Variants in MNAT1 observed in about 807,000 individuals in gnomAD.
MNAT1 encodes MNAT1 component of CDK activating kinase.
In MNAT1, 43 loss-of-function variants were observed where a neutral mutation model predicts 42.0. That is an observed-to-expected ratio of 1.02 (90% confidence interval 0.80 to 1.32). The LOEUF (loss-of-function observed/expected upper bound fraction) is 1.32. Among genes scored for constraint, MNAT1 ranks in the 40% most tolerant of loss-of-function variants. The probability of loss-of-function intolerance (pLI) is 0.00; values close to 1 mark genes in which losing one functional copy is unlikely to be tolerated. For synonymous variants in MNAT1, 118 were observed against 120.0 expected (o/e 0.98, Z 0.11); for missense variants, 306 against 350.4 (o/e 0.87, Z 1.01).
intron 1 of MNAT1, among the ~76,000 whole-genome samples, chr14:60,779,779 C>T (rs946381755): frequency 6.0e-5 from 9 of 150,628 alleles, no homozygotes; most frequent in African/African-American, 9.8e-5. Context: ...AGTGAGACTC[C>T]GTCTCAAAGA....
chr14:60,750,351 C>T (rs1396421216), intron 1 of MNAT1, among the ~76,000 whole-genome samples: 2 of 151,630 alleles, frequency 1.3e-5, no homozygotes, highest in African/African-American at 2.4e-5. Context: ...CTCAGCCTCC[C>T]GAGTAGCTGG....
chr14:60,899,003 T>C (rs1751222581), intron 7 of MNAT1, among the ~76,000 whole-genome samples: 1 of 152,182 alleles, frequency 6.6e-6, no homozygotes, highest in Non-Finnish European at 1.5e-5. Flanking sequence ...GCACCACTTA[T>C]TAAAGAAGGA....
chr14:60,827,844 C>T (rs1039125569), intron 6 of MNAT1, among the ~76,000 whole-genome samples: 1 of 152,060 alleles, frequency 6.6e-6, no homozygotes, highest in African/African-American at 2.4e-5. Flanking sequence ...ATTACTTTCT[C>T]TTAGCTTTTA....
chr14:60,897,364 A>G (rs984836136), intron 7 of MNAT1, among the ~76,000 whole-genome samples: 3 of 152,108 alleles, frequency 2.0e-5, no homozygotes, highest in African/African-American at 7.2e-5. Flanking sequence ...ATTTATATAT[A>G]TCTTTAAATT....
rs1163408491 is a variant in MNAT1, at chr14:60,969,360, G to C, written c.*1011G>C. On this transcript the variant is annotated 3_prime_UTR_variant, in exon 8 of 8. Coordinates refer to ENST00000261245, the MANE Select transcript of MNAT1 (RefSeq NM_002431.4). ...CAAATCTCTATTACAACAGATGTTA[G>C]TTTTATGGGTAGAAACTTAGGTGAA... 2.0e-5 allele frequency: 3 copies of C among 152,150 alleles called. No homozygotes were observed. The highest frequency in any genetic ancestry group is 7.2e-5 in the African/African-American group (3 of 41,448). 9.4% of individuals were successfully genotyped at this position (152,150 alleles called of 1,614,324 possible). A position where few individuals can be genotyped will look rare whatever the true frequency, so the allele number is the denominator to read the frequency against.
intron 1 of MNAT1, among the ~76,000 whole-genome samples, chr14:60,736,085 C>T (rs1482645572): frequency 6.6e-6 from 1 of 152,038 alleles, no homozygotes; most frequent in African/African-American, 2.4e-5. Flanking sequence ...CTTTATTTTC[C>T]TTTGCTTTAC....
At chr14:60,913,149 G>A (rs1344871386) in intron 7 of MNAT1, among the ~76,000 whole-genome samples, 1 of 152,176 alleles carries the variant, frequency 6.6e-6, no homozygotes, top group African/African-American at 2.4e-5. Flanking sequence ...TCATCACGTA[G>A]TTCTTTTGCC....
intron 1 of MNAT1, among the ~76,000 whole-genome samples, chr14:60,794,225 A>G (rs2031926355): frequency 6.6e-6 from 1 of 152,092 alleles, no homozygotes; most frequent in Non-Finnish European, 1.5e-5. Context: ...GATGGGTTTA[A>G]TTTCCTCTAA....
chr14:60,784,729 C>T (rs184931816), intron 1 of MNAT1, among the ~76,000 whole-genome samples: 1 of 152,226 alleles, frequency 6.6e-6, no homozygotes, highest in Admixed American at 6.5e-5. Flanking sequence ...TCCCAAAGTG[C>T]TGGGATTACA....
intron 7 of MNAT1, among the ~76,000 whole-genome samples, chr14:60,967,916 A>C (rs1427942253): frequency 1.3e-5 from 2 of 152,244 alleles, no homozygotes; most frequent in African/African-American, 4.8e-5. Flanking sequence ...TGTCCAAAAA[A>C]CAGCCAACAA....
chr14:60,798,301 A>G (rs1238246203), intron 3 of MNAT1, 141 bp downstream of exon 3: 1 of 506,402 alleles, frequency 2.0e-6, no homozygotes, highest in African/African-American at 1.9e-5. Flanking sequence ...TTTCTTTTGC[A>G]CTTGAGTCAT....
chr14:60,795,950 C>T (rs1386554200), intron 1 of MNAT1, among the ~76,000 whole-genome samples: 3 of 152,184 alleles, frequency 2.0e-5, no homozygotes, highest in African/African-American at 4.8e-5. Flanking sequence ...CTATCCTGCT[C>T]TTCTTCCTAG....
At chr14:60,925,668 TA>T (rs2139560569) in intron 7 of MNAT1, among the ~76,000 whole-genome samples, 1 of 152,316 alleles carries the variant, frequency 6.6e-6, no homozygotes, top group Admixed American at 6.5e-5. Context: ...AACCTATATT[TA>T]CTGTATCATC....
intron 7 of MNAT1, among the ~76,000 whole-genome samples, chr14:60,917,294 A>G (rs1284841989): frequency 9.1e-5 from 2 of 21,982 alleles, no homozygotes; most frequent in Non-Finnish European, 5.5e-4. Flanking sequence ...TCTAACCCTC[A>G]TTTTACCAGG....
At chr14:60,774,482 G>A (rs770589786) in intron 1 of MNAT1, among the ~76,000 whole-genome samples, 1 of 152,098 alleles carries the variant, frequency 6.6e-6, no homozygotes, top group Admixed American at 6.6e-5. Context: ...GACACCATTG[G>A]GTCATGAACA....
chr14:60,907,018 G>A (rs900710437), intron 7 of MNAT1, among the ~76,000 whole-genome samples: 1 of 152,052 alleles, frequency 6.6e-6, no homozygotes, highest in African/African-American at 2.4e-5. Context: ...TCACTCAAGA[G>A]TAAATTTATA....
At chr14:60,746,693 A>G (rs886202902) in intron 1 of MNAT1, among the ~76,000 whole-genome samples, 5 of 149,950 alleles carry the variant, frequency 3.3e-5, no homozygotes, top group African/African-American at 7.3e-5. Flanking sequence ...GCTCTAACAT[A>G]TATTTTTTGC....
intron 7 of MNAT1, among the ~76,000 whole-genome samples, chr14:60,882,528 G>C (rs761779007): frequency 6.6e-6 from 1 of 152,162 alleles, no homozygotes; most frequent in Non-Finnish European, 1.5e-5. Context: ...ATTGTGAACA[G>C]TCCTGTAACA....
At chr14:60,747,273 T>C (rs1032155000) in intron 1 of MNAT1, among the ~76,000 whole-genome samples, 27 of 151,990 alleles carry the variant, frequency 1.8e-4, no homozygotes, top group Non-Finnish European at 3.1e-4. Context: ...CGTGAGCCAA[T>C]GCGCCCTGCC....
Sources: gnomAD v4.1 joint callset for allele counts (sites outside exome capture counted in the v4.1 genomes callset) on GRCh38, gnomAD v4.1.1 for gene constraint, MANE v1.5 for transcripts, NCBI Gene and HGNC (gene_info 2026-07-23, HGNC 2026-07-21) for gene names.